The following SYT14 variants were observed in gnomAD, a reference collection of about 807,000 sequenced individuals.
SYT14 encodes synaptotagmin-14.
A neutral mutation model predicts 74.2 loss-of-function variants in SYT14; 32 were observed. The ratio of observed to expected loss-of-function variants is 0.43; its 90% CI spans 0.33 to 0.58. The LOEUF is 0.58. Among genes scored for constraint, SYT14 ranks in the 20% least tolerant of loss-of-function variants. SYT14 has a pLI of 0.05. For synonymous variants in SYT14, 298 were observed against 337.7 expected (o/e 0.88, Z 1.29); for missense variants, 791 against 981.8 (o/e 0.81, Z 2.60).
At chr1:209,975,192 A>G (rs1021287606) in intron 2 of SYT14, among the ~76,000 whole-genome samples, 5 of 152,162 alleles carry the variant, frequency 3.3e-5, no homozygotes, top group African/African-American at 1.2e-4. Flanking sequence ...TTCCTAATTG[A>G]ATACCCTTTA....
intron 7 of SYT14, among the ~76,000 whole-genome samples, chr1:210,101,969 T>C (rs2082075642): frequency 6.6e-6 from 1 of 152,204 alleles, no homozygotes; most frequent in South Asian, 2.1e-4. Flanking sequence ...AACTAAGCAA[T>C]TTTTTAATGG....
chr1:210,006,331 A>T (rs891011157), intron 2 of SYT14, among the ~76,000 whole-genome samples: 1 of 151,994 alleles, frequency 6.6e-6, no homozygotes, highest in African/African-American at 2.4e-5. Context: ...TTGAAATGTT[A>T]TAAAAGGAAA....
chr1:210,162,940 A>G, exon 10 of SYT14: 1 of 452,170 alleles, frequency 2.2e-6, no homozygotes, highest in South Asian at 1.6e-5. Flanking sequence ...GGATTTTTCA[A>G]ATAAACAAGT....
chr1:210,144,593 T>G (rs1482431581), intron 7 of SYT14, among the ~76,000 whole-genome samples: 1 of 152,070 alleles, frequency 6.6e-6, no homozygotes, highest in African/African-American at 2.4e-5. Flanking sequence ...AAAATGAAAT[T>G]CAATAGATTT....
chr1:209,959,471 G>C (rs1237210156), intron 2 of SYT14, among the ~76,000 whole-genome samples: 1 of 152,062 alleles, frequency 6.6e-6, no homozygotes, highest in African/African-American at 2.4e-5. Flanking sequence ...ATAGCCAAAA[G>C]GGAAACAACC....
chr1:210,027,692 A>C (rs1158636270), intron 5 of SYT14, among the ~76,000 whole-genome samples: 1 of 152,108 alleles, frequency 6.6e-6, no homozygotes, highest in East Asian at 1.9e-4. Context: ...TTGTTTATGA[A>C]CATCTCTCCT....
chr1:210,051,013 A>G (rs1160508021), intron 5 of SYT14, among the ~76,000 whole-genome samples: 1 of 152,180 alleles, frequency 6.6e-6, no homozygotes, highest in Admixed American at 6.5e-5. Flanking sequence ...ACTGCTGGGT[A>G]TCATTTCATC....
exon 10 of SYT14, chr1:210,160,808 G>A (rs781755187): frequency 1.2e-5 from 20 of 1,614,022 alleles, no homozygotes; most frequent in Non-Finnish European, 1.4e-5. Context: ...GCAGAGGGCA[G>A]CCAAATCCAG....
At chr1:209,986,112 G>A (rs567780272) in intron 2 of SYT14, among the ~76,000 whole-genome samples, 7 of 152,290 alleles carry the variant, frequency 4.6e-5, no homozygotes, top group South Asian at 2.1e-4. Flanking sequence ...TGGTTGCTCC[G>A]CAGCCTGCTT....
intron 7 of SYT14, among the ~76,000 whole-genome samples, chr1:210,112,256 C>T (rs753657410): frequency 1.3e-5 from 2 of 151,112 alleles, no homozygotes; most frequent in Admixed American, 6.6e-5. Context: ...GGCAAATCCC[C>T]GAGCTTGATG....
At chr1:210,059,471 G>T (rs1345902653) in intron 5 of SYT14, among the ~76,000 whole-genome samples, 3 of 146,854 alleles carry the variant, frequency 2.0e-5, no homozygotes, top group East Asian at 4.0e-4. Flanking sequence ...GAGAGAGAGA[G>T]AGAGAGAGAG....
intron 7 of SYT14, among the ~76,000 whole-genome samples, chr1:210,155,029 G>A (rs1330159917): frequency 1.3e-5 from 2 of 152,094 alleles, no homozygotes. Flanking sequence ...ATGGATGTCT[G>A]TGTTTCTCTT....
At chr1:210,000,463 T>TACACACACAC (rs1238374511) in intron 2 of SYT14, among the ~76,000 whole-genome samples, 13 of 67,758 alleles carry the variant, frequency 1.9e-4, no homozygotes, top group African/African-American at 1.1e-3. Context: ...TTTGTCCTCA[T>TACACACACAC]ACGCACACAC....
At position 209,974,472 on chromosome 1, in the gene SYT14, G is replaced by A. The variant is rs531121385; in HGVS notation, c.-486+21716G>A. Among the ~76,000 whole-genome samples the A allele has an allele frequency of 3.9e-5, 6 of 152,184 alleles. No homozygotes were observed. The South Asian group carries it at 8.3e-4, about 21-fold the overall frequency. Reference sequence around the variant, plus strand: ...AGCACCACTTATTAAATAGGGAATCGTTTACCCATTTCTTGTTTTTGTCAG... The same window carrying A: ...AGCACCACTTATTAAATAGGGAATCATTTACCCATTTCTTGTTTTTGTCAG... On this transcript the variant is annotated intron_variant, in intron 2 of 9. Transcript: ENST00000637265.
At position 209,990,551 on chromosome 1, in the gene SYT14, A is replaced by ATATATACGTATATATACGTATATATACG. The variant is rs1553262378; in HGVS notation, c.-485-23076_-485-23075insCGTATATATACGTATATATACGTATATA. ...TATATATATATACGTATATATATGT[A>ATATATACGTATATATACGTATATATACG]TATATATACGTATATATATGTATGT... On this transcript the variant is annotated intron_variant, in intron 2 of 9. Coordinates refer to ENST00000637265, the Ensembl canonical transcript of SYT14. 3.5e-5 allele frequency among the ~76,000 whole-genome samples: 4 copies of ATATATACGTATATATACGTATATATACG among 113,132 alleles called. 1 individual carries two copies. The East Asian group carries it at 1.2e-3, about 33-fold the overall frequency. The allele number at this position is 113,132 out of a possible 152,430, so 74.2% of individuals were successfully genotyped here.
At chr1:210,003,795 C>G (rs1420444539) in intron 2 of SYT14, among the ~76,000 whole-genome samples, 1 of 152,014 alleles carries the variant, frequency 6.6e-6, no homozygotes, top group Non-Finnish European at 1.5e-5. Context: ...AACCAGTTTC[C>G]CTTTTAAAAT....
At chr1:210,156,902 C>G (rs1014859959) in intron 8 of SYT14, 2 of 391,990 alleles carry the variant, frequency 5.1e-6, no homozygotes, top group East Asian at 7.7e-5. Flanking sequence ...CCATGTTGAT[C>G]AAGCTGGTCG....
chr1:210,031,381 GTTTTC>G, intron 5 of SYT14, among the ~76,000 whole-genome samples: 1 of 151,974 alleles, frequency 6.6e-6, no homozygotes, highest in Non-Finnish European at 1.5e-5. Flanking sequence ...TTGGTCTGTA[GTTTTC>G]TTTTCTTGTA....
At chr1:209,998,777 A>T (rs987284127) in intron 2 of SYT14, among the ~76,000 whole-genome samples, 20 of 152,186 alleles carry the variant, frequency 1.3e-4, no homozygotes, top group African/African-American at 4.3e-4. Context: ...CTCTCTCACC[A>T]TATACAAAAA....
Sources: gnomAD v4.1 joint callset for allele counts (sites outside exome capture counted in the v4.1 genomes callset) on GRCh38, gnomAD v4.1.1 for gene constraint, MANE v1.5 for transcripts, NCBI Gene and HGNC (gene_info 2026-07-23, HGNC 2026-07-21) for gene names.